COLGALT1: variants seen among roughly 807,000 people sequenced by gnomAD.
The protein encoded by COLGALT1 is collagen beta(1-O)galactosyltransferase 1, also known as procollagen galactosyltransferase 1.
COLGALT1 carries 43 observed loss-of-function variants against 60.8 expected under a neutral mutation model. That is an observed-to-expected ratio of 0.71 (90% CI 0.55 to 0.91). The LOEUF (loss-of-function observed/expected upper bound fraction) is 0.91, where lower values mean the gene tolerates loss of function less well. Ranked by LOEUF, COLGALT1 falls within the 40% of genes least tolerant of loss-of-function variation. COLGALT1 has a pLI of 0.00. For missense variants in COLGALT1, 845 were observed against 880.0 expected, an observed-to-expected ratio of 0.96 and a Z score of 0.50; for synonymous variants, 369 against 374.2, an observed-to-expected ratio of 0.99 and a Z score of 0.16.
intron 5 of COLGALT1, among the ~76,000 whole-genome samples, chr19:17,570,040 A>G (rs1354366961): frequency 1.3e-5 from 2 of 151,954 alleles, no homozygotes; most frequent in East Asian, 3.9e-4. Context: ...GACTACAGGC[A>G]CCAGCCACCA....
At chr19:17,580,398 AC>A (rs2144850645) in intron 10 of COLGALT1, 1 of 401,496 alleles carries the variant, frequency 2.5e-6, no homozygotes, top group Non-Finnish European at 4.6e-6. Context: ...GCCCACCTCC[AC>A]CCCCACTGTC....
At chr19:17,563,187 CTTTTTTT>C (rs954111271) in intron 3 of COLGALT1, among the ~76,000 whole-genome samples, 1 of 117,538 alleles carries the variant, frequency 8.5e-6, no homozygotes, top group South Asian at 2.7e-4. Context: ...TTTCGTGTTT[CTTTTTTT>C]TTTTTTTTTT....
At chr19:17,562,265 A>G (rs1399759429) in intron 3 of COLGALT1, among the ~76,000 whole-genome samples, 1 of 152,206 alleles carries the variant, frequency 6.6e-6, no homozygotes, top group African/African-American at 2.4e-5. Context: ...TAGAGGTCCA[A>G]CTACACAGGC....
At position 17,555,900 on chromosome 19, in the gene COLGALT1, G is replaced by A. The variant is rs1431007599; in HGVS notation, c.187G>A (p.Ala63Thr). ...RVLIALLARN[A>T]AHALPTTLGA... ...GCTCATCGCGCTGTTGGCGCGAAACGCGGCCCACGCGTTGCCCACCACGCT... is the reference window on the plus strand; with the variant it reads ...GCTCATCGCGCTGTTGGCGCGAAACACGGCCCACGCGTTGCCCACCACGCT... The change falls in exon 1 of 12, where the codon GCG becomes ACG. Residue 63 changes from alanine to threonine, a missense_variant. Physicochemically the swap from Ala to Thr is moderately conservative, Grantham distance 58. Coordinates refer to ENST00000252599, the MANE Select transcript of COLGALT1 (RefSeq NM_024656.4). 8 of 1,393,552 alleles carry A rather than the reference G, an allele frequency of 5.7e-6. No homozygotes were observed. The African/African-American group carries it at 7.5e-5, about 13-fold the overall frequency. 86.3% of individuals were successfully genotyped at this position (1,393,552 alleles called of 1,614,324 possible).
chr19:17,559,076 C>T (rs1010424906), intron 1 of COLGALT1, among the ~76,000 whole-genome samples: 3 of 151,984 alleles, frequency 2.0e-5, no homozygotes, highest in East Asian at 1.9e-4. Context: ...CAGGAGAAGG[C>T]GTGAACCCGG....
At chr19:17,577,302 G>C in intron 7 of COLGALT1, 31 bp downstream of exon 7, 1 of 1,611,262 alleles carries the variant, frequency 6.2e-7, no homozygotes, top group South Asian at 1.1e-5. Flanking sequence ...AGGCGGGGCG[G>C]GGGCTGGAGG....
intron 1 of COLGALT1, chr19:17,556,416 C>T: frequency 5.1e-6 from 2 of 394,390 alleles, no homozygotes; most frequent in Non-Finnish European, 6.9e-6. Context: ...AACAGCAAGC[C>T]TTTCTGTGCC....
At chr19:17,559,870 C>T (rs368587208) in intron 2 of COLGALT1, among the ~76,000 whole-genome samples, 1 of 152,174 alleles carries the variant, frequency 6.6e-6, no homozygotes, top group African/African-American at 2.4e-5. Context: ...TTACTGCAGC[C>T]TTTAACTCCT....
intron 3 of COLGALT1, among the ~76,000 whole-genome samples, chr19:17,561,381 G>A (rs1034991787): frequency 2.6e-5 from 4 of 151,188 alleles, no homozygotes; most frequent in Non-Finnish European, 5.9e-5. Context: ...GTGCCTGGCC[G>A]TGTCACGTCT....
intron 5 of COLGALT1, among the ~76,000 whole-genome samples, chr19:17,569,292 C>A (rs10418441): frequency 6.6e-6 from 1 of 152,112 alleles, no homozygotes; most frequent in Non-Finnish European, 1.5e-5. Context: ...GTAATTTTGT[C>A]ACGTGCATAG....
chr19:17,568,136 A>C (rs1278662153), intron 4 of COLGALT1, among the ~76,000 whole-genome samples: 2 of 152,024 alleles, frequency 1.3e-5, no homozygotes, highest in South Asian at 4.2e-4. Flanking sequence ...TCAGGATGGG[A>C]CTTCAGGCAT....
intron 6 of COLGALT1, among the ~76,000 whole-genome samples, chr19:17,573,112 G>A (rs893427552): frequency 6.6e-6 from 1 of 152,110 alleles, no homozygotes; most frequent in Non-Finnish European, 1.5e-5. Context: ...TGCATGTATA[G>A]GCCAGGCATG....
intron 6 of COLGALT1, among the ~76,000 whole-genome samples, chr19:17,575,873 CGAT>C (rs756439757): frequency 2.6e-5 from 4 of 152,108 alleles, no homozygotes; most frequent in Non-Finnish European, 4.4e-5. Context: ...CATTTTAACT[CGAT>C]GACCTCTGTA....
chr19:17,564,696 C>T (rs1387371267), intron 3 of COLGALT1, among the ~76,000 whole-genome samples: 5 of 152,080 alleles, frequency 3.3e-5, no homozygotes, highest in African/African-American at 7.2e-5. Flanking sequence ...GGATTGCAGG[C>T]GTGAGCCACC....
intron 3 of COLGALT1, among the ~76,000 whole-genome samples, chr19:17,563,732 C>G (rs1283587551): frequency 2.6e-5 from 4 of 152,046 alleles, no homozygotes; most frequent in Non-Finnish European, 5.9e-5. Flanking sequence ...TTCAGGTGAT[C>G]CACCCACCTC....
chr19:17,560,243 C>A, intron 2 of COLGALT1, 105 bp from the exon 3 acceptor site: 1 of 783,068 alleles, frequency 1.3e-6, no homozygotes, highest in South Asian at 1.5e-5. Flanking sequence ...GCTTACACGT[C>A]CCCTCCTCCA....
At position 17,568,522 on chromosome 19, in the gene COLGALT1, G is replaced by A. The variant is rs746718728; in HGVS notation, c.638G>A (p.Arg213His). ...CTCTCCCCACAGGGCTACTACAAGC[G>A]CACACCTGCCTACATCCCTATCCGC... is the stretch of plus-strand genomic sequence containing the variant. ...CGMTSQGYYKRTPAYIPIRKR... is the reference protein window; with the variant it reads ...CGMTSQGYYKHTPAYIPIRKR... Residue 213 changes from arginine to histidine, a missense_variant, in exon 5 of 12, where the codon CGC (arginine) becomes CAC (histidine). Transcript: ENST00000252599. 33 of 1,613,896 alleles carry A rather than the reference G, an allele frequency of 2.0e-5. No individual in the cohort carries two copies. Among genetic ancestry groups the A allele is most frequent in the East Asian group, 1.1e-4 (5 of 44,888 alleles).
intron 3 of COLGALT1, among the ~76,000 whole-genome samples, chr19:17,564,590 G>C (rs1028375275): frequency 6.6e-6 from 1 of 151,528 alleles, no homozygotes; most frequent in African/African-American, 2.4e-5. Flanking sequence ...CTAAGTTTTT[G>C]TATTTTTAGT....
intron 3 of COLGALT1, among the ~76,000 whole-genome samples, chr19:17,564,060 A>ACC (rs35461950): frequency 0.024 from 2,965 of 122,252 alleles, 28 homozygotes; most frequent in Middle Eastern, 0.042. Flanking sequence ...ACATAGTGAG[A>ACC]CCCCCCCCAT....
Sources: gnomAD v4.1 joint callset for allele counts (sites outside exome capture counted in the v4.1 genomes callset) on GRCh38, gnomAD v4.1.1 for gene constraint, MANE v1.5 for transcripts, NCBI Gene and HGNC (gene_info 2026-07-23, HGNC 2026-07-21) for gene names.